The following LAMA2 variants were observed in gnomAD, a reference collection of about 807,000 sequenced individuals.
LAMA2 encodes the protein laminin subunit alpha-2.
LAMA2 carries 269 observed loss-of-function variants against 364.8 expected under a neutral mutation model. The observed-to-expected ratio is 0.74, with a 90% CI of 0.67 to 0.82. The LOEUF is 0.82. LAMA2 is among the 40% of genes least tolerant of loss of function. The probability of loss-of-function intolerance (pLI) is 0.00; values close to 1 mark genes in which losing one functional copy is unlikely to be tolerated. For synonymous variants in LAMA2, 1,379 were observed against 1,370.6 expected, an observed-to-expected ratio of 1.01 and a Z score of -0.14; for missense variants, 3,807 against 3,873.2, an observed-to-expected ratio of 0.98 and a Z score of 0.45.
At chr6:129,485,490 A>G (rs140841364) in intron 55 of LAMA2, among the ~76,000 whole-genome samples, 56 of 152,330 alleles carry the variant, frequency 3.7e-4, no homozygotes, top group Middle Eastern at 6.8e-3. Context: ...GTTAGACATA[A>G]TTAGATTTAG....
intron 22 of LAMA2, among the ~76,000 whole-genome samples, chr6:129,306,795 A>T (rs1773907353): frequency 6.6e-6 from 1 of 151,630 alleles, no homozygotes; most frequent in Non-Finnish European, 1.5e-5. Flanking sequence ...TTATCTTTTA[A>T]ATTTCCTTTT....
At chr6:129,024,896 CTATGAT>C (rs770183015) in intron 1 of LAMA2, among the ~76,000 whole-genome samples, 6 of 152,006 alleles carry the variant, frequency 3.9e-5, no homozygotes, top group Non-Finnish European at 8.8e-5. Context: ...TTATAGCACA[CTATGAT>C]TATGCCTATG....
At chr6:128,969,783 G>T (rs2114613976) in intron 1 of LAMA2, among the ~76,000 whole-genome samples, 1 of 152,026 alleles carries the variant, frequency 6.6e-6, no homozygotes, top group East Asian at 1.9e-4. Context: ...CTTCTATTTG[G>T]ATAAAACAAA....
intron 1 of LAMA2, among the ~76,000 whole-genome samples, chr6:128,958,046 T>C (rs1485512775): frequency 6.6e-6 from 1 of 152,044 alleles, no homozygotes; most frequent in Non-Finnish European, 1.5e-5. Context: ...CATTTATTGC[T>C]CTTTAAAGAT....
At chr6:129,420,052 A>G (rs1020812794) in intron 40 of LAMA2, among the ~76,000 whole-genome samples, 2 of 152,126 alleles carry the variant, frequency 1.3e-5, no homozygotes, top group African/African-American at 4.8e-5. Flanking sequence ...ACAGAAAAGC[A>G]AGAAGAAGAA....
chr6:129,314,693 T>C lies in LAMA2; in HGVS notation c.3450T>C (p.Pro1150=), dbSNP rs751267299. The change falls in exon 24 of 65, where the codon CCT becomes CCC. Residue 1150 remains proline, a synonymous_variant. Transcript: ENST00000421865. ...GCATCCACTGTGACAGATGCCGGCC[T>C]GGCAAATTCGGACTCGATGCCAAGA... is the stretch of plus-strand genomic sequence containing the variant. ...VEGIHCDRCR[P]GKFGLDAKNP... 6.2e-7 allele frequency: 1 copy of C among 1,613,832 alleles called. No homozygotes were observed. Among genetic ancestry groups the C allele is most frequent in the South Asian group, 1.1e-5 (1 of 91,052 alleles).
chr6:129,353,497 A>C, intron 32 of LAMA2, 140 bp downstream of exon 32: 1 of 703,116 alleles, frequency 1.4e-6, no homozygotes, highest in Non-Finnish European at 2.5e-6. Context: ...TTCTGACACT[A>C]TCTATCCACC....
chr6:129,372,910 C>A (rs1778168355), intron 34 of LAMA2, among the ~76,000 whole-genome samples: 1 of 152,154 alleles, frequency 6.6e-6, no homozygotes, highest in Non-Finnish European at 1.5e-5. Flanking sequence ...TGTCGAGCAT[C>A]TTTTCATATG....
chr6:129,252,142 A>C lies in LAMA2; in HGVS notation c.1943A>C (p.Glu648Ala). 1 of 1,613,872 alleles carries C rather than the reference A, an allele frequency of 6.2e-7. No homozygotes were observed. The highest frequency in any genetic ancestry group is 1.6e-4 in the Middle Eastern group (1 of 6,062). The change falls in exon 14 of 65, where the codon GAA (glutamate) becomes GCA (alanine). Residue 648 changes from glutamate (E) to alanine (A), a missense_variant. By Grantham distance (107) the Glu-to-Ala change is moderately radical. Around this residue, in one of 3 missense-constraint regions of LAMA2, gnomAD observed 3,333 missense variants for 3,345.7 expected, o/e 1.00. Coordinates refer to ENST00000421865, the MANE Select transcript of LAMA2 (RefSeq NM_000426.4). ...QDEVYLHPSE[E>A]HTNVLLLKEE... is the part of the protein sequence containing the mutation. Reference sequence around the variant, plus strand: ...GAGGTGTACCTGCACCCATCTGAAGAACATACTAATGTATTGTTACTTAAA... The same window carrying C: ...GAGGTGTACCTGCACCCATCTGAAGCACATACTAATGTATTGTTACTTAAA...
chr6:129,409,928 C>T (rs914640378), intron 40 of LAMA2, among the ~76,000 whole-genome samples: 1 of 152,176 alleles, frequency 6.6e-6, no homozygotes, highest in Non-Finnish European at 1.5e-5. Context: ...CAAGTTGGCA[C>T]TCAGTATTAA....
intron 14 of LAMA2, among the ~76,000 whole-genome samples, chr6:129,256,763 C>CAAAT (rs749883373): frequency 0.057 from 4,991 of 87,928 alleles, 370 homozygotes; most frequent in African/African-American, 0.12. Context: ...AATTATATAG[C>CAAAT]ATATATATAT....
chr6:129,358,851 T>C (rs550722776), intron 32 of LAMA2, among the ~76,000 whole-genome samples: 27 of 152,132 alleles, frequency 1.8e-4, no homozygotes, highest in Non-Finnish European at 3.8e-4. Flanking sequence ...TTCTTTAGTT[T>C]AGGCTGACTT....
Position 129,516,419 on chromosome 6 carries a change from A to G in LAMA2, c.*72A>G. Reference sequence around the variant, plus strand: ...CAAGTAAAACAAACAAATATATTTTACCTATATATGTTAATTAAACTAATT... The same window carrying G: ...CAAGTAAAACAAACAAATATATTTTGCCTATATATGTTAATTAAACTAATT... On this transcript the variant is annotated 3_prime_UTR_variant, in exon 65 of 65. Coordinates refer to ENST00000421865, the MANE Select transcript of LAMA2 (RefSeq NM_000426.4). 1 of 1,436,786 alleles carries G rather than the reference A, an allele frequency of 7.0e-7. No homozygotes were observed. Among genetic ancestry groups the G allele is most frequent in the South Asian group, 1.2e-5 (1 of 83,366 alleles). The allele number at this position is 1,436,786 out of a possible 1,614,324, so 89.0% of individuals were successfully genotyped here. A position where few individuals can be genotyped will look rare whatever the true frequency, so the allele number is the denominator to read the frequency against.
intron 17 of LAMA2, among the ~76,000 whole-genome samples, chr6:129,279,510 C>A (rs1788560029): frequency 6.6e-6 from 1 of 152,186 alleles, no homozygotes; most frequent in Non-Finnish European, 1.5e-5. Context: ...CACACTTGAT[C>A]TCTTCTGAAA....
chr6:129,366,078 A>G, intron 32 of LAMA2, 141 bp from the exon 33 acceptor site: 6 of 861,488 alleles, frequency 7.0e-6, no homozygotes, highest in Non-Finnish European at 9.6e-6. Flanking sequence ...TCCATTTGAT[A>G]GCATTAATAT....
intron 1 of LAMA2, among the ~76,000 whole-genome samples, chr6:128,980,249 T>C (rs1782782897): frequency 1.3e-5 from 2 of 152,208 alleles, no homozygotes; most frequent in Admixed American, 6.5e-5. Flanking sequence ...ACACTAACAC[T>C]TGGTGTGCAT....
intron 19 of LAMA2, 73 bp from the exon 20 acceptor site, chr6:129,291,541 A>G: frequency 2.0e-6 from 2 of 1,001,356 alleles, no homozygotes; most frequent in Non-Finnish European, 3.1e-6. Context: ...CATGTGGGGT[A>G]TATTATTATT....
intron 1 of LAMA2, among the ~76,000 whole-genome samples, chr6:128,948,625 C>A (rs976496895): frequency 3.3e-5 from 5 of 152,096 alleles, no homozygotes; most frequent in Non-Finnish European, 7.4e-5. Flanking sequence ...AATGGTATTC[C>A]CAGTATTGGA....
At chr6:129,464,019 A>G (rs1783402447) in intron 49 of LAMA2, among the ~76,000 whole-genome samples, 1 of 151,962 alleles carries the variant, frequency 6.6e-6, no homozygotes, top group African/African-American at 2.4e-5. Flanking sequence ...CATCAATATA[A>G]CTATCTACTA....
Sources: allele counts gnomAD v4.1 joint callset (sites outside exome capture counted in the v4.1 genomes callset), GRCh38; gene constraint gnomAD v4.1.1; regional missense constraint gnomAD v4.1.1; transcripts MANE v1.5; gene names NCBI Gene and HGNC (gene_info 2026-07-23, HGNC 2026-07-21).